The following SLC26A7 variants were observed in gnomAD, a reference collection of about 807,000 sequenced individuals.
SLC26A7 encodes the protein solute carrier family 26 member 7.
In SLC26A7, 59 loss-of-function variants were observed where a neutral mutation model predicts 82.5. The observed-to-expected ratio is 0.72, with a 90% CI of 0.58 to 0.89. The LOEUF (loss-of-function observed/expected upper bound fraction) is 0.89, where lower values mean the gene tolerates loss of function less well. Ranked by LOEUF, SLC26A7 falls within the 40% of genes least tolerant of loss-of-function variation. The pLI is 0.00. For missense variants in SLC26A7, 820 were observed against 793.0 expected (o/e 1.03, Z -0.41); for synonymous variants, 271 against 274.3 (o/e 0.99, Z 0.12).
At chr8:91,266,411 T>A (rs1006892483) in intron 2 of SLC26A7, among the ~76,000 whole-genome samples, 2 of 151,972 alleles carry the variant, frequency 1.3e-5, no homozygotes, top group African/African-American at 4.8e-5. Context: ...TTATTTAATC[T>A]ATGTTCTATA....
intron 2 of SLC26A7, among the ~76,000 whole-genome samples, chr8:91,282,123 C>A (rs766120893): frequency 6.6e-6 from 1 of 152,064 alleles, no homozygotes; most frequent in Non-Finnish European, 1.5e-5. Flanking sequence ...GAACTAACCA[C>A]TTAAGTTAGT....
chr8:91,250,139 A>T (rs1213303470), intron 2 of SLC26A7, among the ~76,000 whole-genome samples: 3 of 152,136 alleles, frequency 2.0e-5, no homozygotes, highest in Non-Finnish European at 4.4e-5. Flanking sequence ...GTGAGTTTTT[A>T]TAACATGATC....
At chr8:91,257,060 A>T (rs1281300904) in intron 2 of SLC26A7, among the ~76,000 whole-genome samples, 1 of 152,038 alleles carries the variant, frequency 6.6e-6, no homozygotes, top group South Asian at 2.1e-4. Context: ...CCATGATGAC[A>T]TGTCACCTGC....
At chr8:91,231,270 C>T (rs1373254104) in intron 2 of SLC26A7, among the ~76,000 whole-genome samples, 1 of 152,164 alleles carries the variant, frequency 6.6e-6, no homozygotes, top group African/African-American at 2.4e-5. Flanking sequence ...ATCCTTATAT[C>T]ATCAGATGAC....
intron 4 of SLC26A7, among the ~76,000 whole-genome samples, chr8:91,301,479 C>T (rs1812163093): frequency 6.6e-6 from 1 of 152,008 alleles, no homozygotes. Flanking sequence ...ATATTTTTAT[C>T]TATCTTTTCA....
chr8:91,264,349 T>C (rs1811050887), intron 2 of SLC26A7, among the ~76,000 whole-genome samples: 1 of 152,052 alleles, frequency 6.6e-6, no homozygotes, highest in Admixed American at 6.6e-5. Flanking sequence ...AAATGCTACA[T>C]ACAAGGAGGG....
At chr8:91,333,137 C>A (rs1014796549) in intron 5 of SLC26A7, among the ~76,000 whole-genome samples, 1 of 152,130 alleles carries the variant, frequency 6.6e-6, no homozygotes, top group Non-Finnish European at 1.5e-5. Context: ...GCTTACATAA[C>A]TATCAACAAC....
intron 11 of SLC26A7, among the ~76,000 whole-genome samples, chr8:91,355,739 T>G (rs1470816848): frequency 2.6e-5 from 4 of 152,088 alleles, no homozygotes; most frequent in Non-Finnish European, 4.4e-5. Context: ...ATTTTATTAT[T>G]ATTATACTTT....
rs1586488618 is a variant in SLC26A7 at position 91,395,201 on chromosome 8, C to G, written c.*104C>G. On this transcript the variant is annotated 3_prime_UTR_variant, in exon 19 of 19. Coordinates refer to ENST00000276609, the MANE Select transcript of SLC26A7 (RefSeq NM_052832.4). ...TGGTTGTTTAGATCCTACAGATGAC[C>G]TCTGCTACAATAAGTACGATGTGAC... 1 of 1,572,328 alleles carries G rather than the reference C, an allele frequency of 6.4e-7. No individual in the cohort carries two copies.
At position 91,356,886 on chromosome 8, in the gene SLC26A7, G is replaced by T. The variant is rs547422643; in HGVS notation, c.1314+3890G>T. Among the ~76,000 whole-genome samples, 15 of 152,146 alleles carry T rather than the reference G, an allele frequency of 9.9e-5. No homozygotes were observed. The South Asian group carries it at 2.9e-3, about 29-fold the overall frequency. ...GCATTTTTAGGGGACCTATTTGCTG[G>T]AAAACAACATAGGAGAGCAGGAGGT... On this transcript the variant is annotated intron_variant, in intron 11 of 18. Coordinates refer to ENST00000276609, the MANE Select transcript of SLC26A7 (RefSeq NM_052832.4).
At chr8:91,394,208 C>T in intron 18 of SLC26A7, 169 bp downstream of exon 18, 7 of 1,612,990 alleles carry the variant, frequency 4.3e-6, no homozygotes, top group Non-Finnish European at 5.9e-6. Flanking sequence ...TGTTTCCATT[C>T]TTTTTTTAGG....
chr8:91,370,057 A>G (rs1814310805), intron 15 of SLC26A7, among the ~76,000 whole-genome samples: 2 of 152,100 alleles, frequency 1.3e-5, no homozygotes, highest in Admixed American at 6.5e-5. Context: ...TGCAGAAAAC[A>G]GATTTAGCCA....
At chr8:91,317,528 C>T (rs1445506098) in intron 4 of SLC26A7, among the ~76,000 whole-genome samples, 4 of 152,164 alleles carry the variant, frequency 2.6e-5, no homozygotes, top group Non-Finnish European at 5.9e-5. Flanking sequence ...TCAAGGTCAT[C>T]GCCAAGGTAT....
chr8:91,225,652 T>TTTTG (rs1345068893), intron 2 of SLC26A7, among the ~76,000 whole-genome samples: 3 of 129,006 alleles, frequency 2.3e-5, no homozygotes, highest in Non-Finnish European at 5.1e-5. Flanking sequence ...TGTTTTTTTT[T>TTTTG]TTTTTTTTTT....
chr8:91,332,346 A>G (rs1462760058), intron 5 of SLC26A7, among the ~76,000 whole-genome samples: 10 of 134,668 alleles, frequency 7.4e-5, no homozygotes, highest in Non-Finnish European at 1.6e-4. Flanking sequence ...TATATAATAT[A>G]TATAAATTTA....
chr8:91,394,924 A>G lies in SLC26A7; in HGVS notation c.1936-138A>G, dbSNP rs1018809478. On this transcript the variant is annotated intron_variant, in intron 18 of 18. Transcript: ENST00000276609. The stretch of plus-strand genomic sequence containing the variant: ...TGGACCTGGAGCTTTGAACTGCTCT[A>G]CTCTGATGCCTCATAAAAGGTTCAT... The G allele has an allele frequency of 5.8e-6, 6 of 1,028,636 alleles. No individual in the cohort carries two copies. In the African/African-American group the frequency reaches 7.9e-5, roughly 14 times the overall value. 63.7% of individuals were successfully genotyped at this position (1,028,636 alleles called of 1,614,324 possible).
intron 4 of SLC26A7, among the ~76,000 whole-genome samples, chr8:91,305,126 A>G (rs1486416994): frequency 6.6e-6 from 1 of 152,198 alleles, no homozygotes; most frequent in East Asian, 1.9e-4. Context: ...TGTCTCTATA[A>G]TTCCAACAGC....
chr8:91,279,968 T>C (rs1023474777), intron 2 of SLC26A7, among the ~76,000 whole-genome samples: 1 of 152,238 alleles, frequency 6.6e-6, no homozygotes, highest in African/African-American at 2.4e-5. Flanking sequence ...ATTTTCTTGC[T>C]CTTGAGTTGT....
rs1411369867 is a variant in SLC26A7 at position 91,394,052 on chromosome 8, A to G, written c.1935+13A>G. On this transcript the variant is annotated intron_variant, in intron 18 of 18. Coordinates refer to ENST00000276609, the MANE Select transcript of SLC26A7 (RefSeq NM_052832.4). Reference sequence around the variant, plus strand: ...CCATTCAAATAAGGTGAGTTGATTAAGTTGGGCTGAAGGAGTTATAAGAAT... The same window carrying G: ...CCATTCAAATAAGGTGAGTTGATTAGGTTGGGCTGAAGGAGTTATAAGAAT... 6.2e-7 allele frequency: 1 copy of G among 1,608,092 alleles called. No individual in the cohort carries two copies. Among genetic ancestry groups the G allele is most frequent in the South Asian group, 1.1e-5 (1 of 90,726 alleles).
Sources: gnomAD v4.1 joint callset for allele counts (sites outside exome capture counted in the v4.1 genomes callset) on GRCh38, gnomAD v4.1.1 for gene constraint, MANE v1.5 for transcripts, NCBI Gene and HGNC (gene_info 2026-07-23, HGNC 2026-07-21) for gene names.